The following LPAR5 variants were observed in gnomAD, a reference collection of about 807,000 sequenced individuals.
LPAR5 encodes lysophosphatidic acid receptor 5.
For synonymous variants in LPAR5, 271 were observed against 261.6 expected (o/e 1.04, Z -0.35); for missense variants, 544 against 521.8 (o/e 1.04, Z -0.41).
In LPAR5 at chr12:6,620,657, G is replaced by C. The variant is rs947982888; in HGVS notation, c.592C>G (p.Leu198Val). ...GCCGCCAGGGGCAGCAGGAAGCCCAGCGCCTCGGCCAGCAGCACGAGGGGC... is the reference window on the plus strand; with the variant it reads ...GCCGCCAGGGGCAGCAGGAAGCCCACCGCCTCGGCCAGCAGCACGAGGGGC... ...LLPLVLLAEA[L>V]GFLLPLAAVV... Residue 198 changes from leucine to valine, a missense_variant, in exon 2 of 2, where the codon CTG becomes GTG. Physicochemically the swap from Leu to Val is conservative, Grantham distance 32 (BLOSUM62 1). Transcript: ENST00000329858. This position sits in a 1 kb window ranked among gnomAD's most constrained non-coding sequence, Gnocchi z 6.8. 9.6e-6 allele frequency: 15 copies of C among 1,557,438 alleles called. No homozygotes were observed. The highest frequency in any genetic ancestry group is 1.3e-5 in the Non-Finnish European group (15 of 1,151,112).
rs761170301 is a variant in LPAR5, at chr12:6,621,132, G to A, written c.117C>T (p.Leu39=). Residue 39 remains leucine, a synonymous_variant, in exon 2 of 2, where the codon CTC becomes CTT. Transcript: ENST00000329858. ...GGAAGACCCAGAGGGCTAGCGCGTT[G>A]AGGGGGAGCCCGGCAGCCAGCACCA... The part of the protein sequence containing the change: ...YSLVLAAGLP[L]NALALWVFLR... The A allele has an allele frequency of 1.6e-5, 26 of 1,601,258 alleles. No homozygotes were observed.
chr12:6,625,720 C>CAAA (rs34076581), intron 1 of LPAR5, among the ~76,000 whole-genome samples: 2 of 138,578 alleles, frequency 1.4e-5, no homozygotes, highest in Non-Finnish European at 1.5e-5. Flanking sequence ...GACTCCGTCT[C>CAAA]AAAAAAAAAA....
chr12:6,633,799 G>A (rs1948995224), intron 1 of LPAR5, among the ~76,000 whole-genome samples: 1 of 152,182 alleles, frequency 6.6e-6, no homozygotes, highest in South Asian at 2.1e-4. Context: ...GGGCAGCAGA[G>A]TAGGGAGAGC....
In LPAR5 at chr12:6,624,816, C is replaced by T. The variant is rs549971373; in HGVS notation, c.-216-3352G>A. 2.0e-5 allele frequency among the ~76,000 whole-genome samples: 3 copies of T among 152,098 alleles called. No individual in the cohort carries two copies. The East Asian group carries it at 5.9e-4, about 30-fold the overall frequency. ...TGTATTTTTAGTAGAGACGAGGTTT[C>T]TCCCTGTTGGTCAGGCTGGTCTCGA... is the stretch of plus-strand genomic sequence containing the variant. On this transcript the variant is annotated intron_variant, in intron 1 of 1. Coordinates refer to ENST00000329858, the MANE Select transcript of LPAR5 (RefSeq NM_020400.6).
intron 1 of LPAR5, among the ~76,000 whole-genome samples, chr12:6,633,806 G>A (rs1301899209): frequency 6.6e-6 from 1 of 152,156 alleles, no homozygotes; most frequent in Non-Finnish European, 1.5e-5. Flanking sequence ...AGAGTAGGGA[G>A]AGCAGATGGC....
rs754703602 is a variant in LPAR5, at chr12:6,620,179, G to C, written c.1070C>G (p.Ser357Cys). The C allele has an allele frequency of 1.9e-6, 3 of 1,613,282 alleles. No homozygotes were observed. The East Asian group carries it at 6.7e-5, about 36-fold the overall frequency. Residue 357 changes from serine to cysteine, a missense_variant, in exon 2 of 2, where the codon TCC becomes TGC. By Grantham distance (112) the Ser-to-Cys change is moderately radical. Transcript: ENST00000329858. The surrounding 1 kb of genome is among the most constrained non-coding windows in gnomAD (Gnocchi z 6.8). ...CTGTGTGAAGGAAGACAGAGAGTGG[G>C]AGTCGGAGGGTCGGAGCAGCCCCTG... ...ASQGLLRPSD[S>C]HSLSSFTQCP...
chr12:6,624,156 A>G (rs1948915889), intron 1 of LPAR5, among the ~76,000 whole-genome samples: 1 of 152,204 alleles, frequency 6.6e-6, no homozygotes, highest in South Asian at 2.1e-4. Flanking sequence ...GGCTGATTGC[A>G]TGCTAGTCTT....
In LPAR5 at chr12:6,620,513, A is replaced by ACAGCAGGAAGATGACGAGGTTAGC. The variant is rs1374425201; in HGVS notation, c.712_735dup (p.Ala238_Leu245dup). The stretch of plus-strand genomic sequence containing the variant: ...AGCGTGCTGTTGTAGGGCACGAAGC[A>ACAGCAGGAAGATGACGAGGTTAGC]CAGCAGGAAGATGACGAGGTTAGCC... On this transcript the variant is annotated inframe_insertion, in exon 2 of 2. Coordinates refer to ENST00000329858, the MANE Select transcript of LPAR5 (RefSeq NM_020400.6). The surrounding 1 kb of genome is among the most constrained non-coding windows in gnomAD (Gnocchi z 6.8). 5.7e-6 allele frequency: 9 copies of ACAGCAGGAAGATGACGAGGTTAGC among 1,584,022 alleles called. No homozygotes were observed. Among genetic ancestry groups the ACAGCAGGAAGATGACGAGGTTAGC allele is most frequent in the African/African-American group, 2.7e-5 (2 of 74,340 alleles).
rs1948895525 is a variant in LPAR5, at chr12:6,621,441, C to G, written c.-193G>C. 1 of 472,202 alleles carries G rather than the reference C, an allele frequency of 2.1e-6. No homozygotes were observed. The highest frequency in any genetic ancestry group is 3.6e-5 in the East Asian group (1 of 28,138). 29.3% of individuals were successfully genotyped at this position (472,202 alleles called of 1,614,324 possible). ...CTGCCAAGGGTTGGGTGCGTTTGGT[C>G]ACAGCTTCATCAGCAGCAGAGACCT... On this transcript the variant is annotated 5_prime_UTR_variant, in exon 2 of 2. The change abolishes the stop of an existing upstream ORF in the 5' untranslated region. Coordinates refer to ENST00000329858, the MANE Select transcript of LPAR5 (RefSeq NM_020400.6).
chr12:6,624,247 T>C (rs1948916656), intron 1 of LPAR5, among the ~76,000 whole-genome samples: 1 of 152,116 alleles, frequency 6.6e-6, no homozygotes, highest in South Asian at 2.1e-4. Flanking sequence ...TTTTGCCAAG[T>C]GCTCCCCTAG....
intron 1 of LPAR5, among the ~76,000 whole-genome samples, chr12:6,623,169 CG>C (rs1565386357): frequency 2.0e-5 from 3 of 151,342 alleles, no homozygotes; most frequent in African/African-American, 7.3e-5. Context: ...ACCCAGGAGG[CG>C]GAGGTTGCAG....
At chr12:6,629,617 T>TG in intron 1 of LPAR5, among the ~76,000 whole-genome samples, 1 of 148,984 alleles carries the variant, frequency 6.7e-6, no homozygotes, top group Non-Finnish European at 1.5e-5. Context: ...GAGGTTGCAG[T>TG]GAGCCGAGAT....
intron 1 of LPAR5, among the ~76,000 whole-genome samples, chr12:6,628,554 G>C (rs138928450): frequency 6.6e-6 from 1 of 151,734 alleles, no homozygotes; most frequent in Admixed American, 6.6e-5. Context: ...TCCGCCTCCC[G>C]GGTTCAAGTG....
At position 6,619,998 on chromosome 12, in the gene LPAR5, C is replaced by A; in HGVS notation, c.*132G>T. The A allele has an allele frequency of 2.4e-6, 3 of 1,239,758 alleles. No individual in the cohort carries two copies. Among genetic ancestry groups the A allele is most frequent in the Non-Finnish European group, 3.5e-6 (3 of 864,198 alleles). 76.8% of individuals were successfully genotyped at this position (1,239,758 alleles called of 1,614,324 possible). ...CCTGGCTTCCACACTTTGTACTCTT[C>A]TGCGTTGCTAAGCTGGAATTGCCAC... On this transcript the variant is annotated 3_prime_UTR_variant, in exon 2 of 2. Transcript: ENST00000329858.
At chr12:6,623,616 A>G (rs1277475919) in intron 1 of LPAR5, among the ~76,000 whole-genome samples, 2 of 152,148 alleles carry the variant, frequency 1.3e-5, no homozygotes, top group East Asian at 3.9e-4. Flanking sequence ...TGCTGTTACT[A>G]TCTCAAGATC....
chr12:6,621,553 T>G lies in LPAR5; in HGVS notation c.-216-89A>C, dbSNP rs200022683. On this transcript the variant is annotated intron_variant, in intron 1 of 1. Transcript: ENST00000329858. ...CCACTGGCAGGCCTTCTGAATCTTT[T>G]CTCAGCCTCAAGTCTGCCATTGGGC... is the stretch of plus-strand genomic sequence containing the variant. 82 of 285,036 alleles carry G rather than the reference T, an allele frequency of 2.9e-4. 1 individual carries two copies. The East Asian group carries it at 5.2e-3, about 18-fold the overall frequency. 17.7% of individuals were successfully genotyped at this position (285,036 alleles called of 1,614,324 possible).
chr12:6,620,226 G>A lies in LPAR5; in HGVS notation c.1023C>T (p.Ala341=), dbSNP rs995524705. Residue 341 remains alanine, a synonymous_variant, in exon 2 of 2, where the codon GCC becomes GCT. Transcript: ENST00000329858. This position sits in a 1 kb window ranked among gnomAD's most constrained non-coding sequence, Gnocchi z 6.8. The part of the protein sequence containing the change: ...QSERSAVTTD[A]TRPDAASQGL... ...CCTGACTGGCGGCATCCGGCCTGGT[G>A]GCGTCGGTGGTGACGGCGGACCTTT... The A allele has an allele frequency of 1.2e-6, 2 of 1,612,034 alleles. No homozygotes were observed. Among genetic ancestry groups the A allele is most frequent in the Non-Finnish European group, 1.7e-6 (2 of 1,179,186 alleles).
At chr12:6,632,367 C>T (rs1290774705) in intron 1 of LPAR5, among the ~76,000 whole-genome samples, 1 of 152,208 alleles carries the variant, frequency 6.6e-6, no homozygotes, top group Non-Finnish European at 1.5e-5. Context: ...CCCCATCCTC[C>T]TTGCCCCTGA....
chr12:6,635,084 C>G (rs1000112868), intron 1 of LPAR5, among the ~76,000 whole-genome samples: 5 of 130,056 alleles, frequency 3.8e-5, no homozygotes, highest in African/African-American at 1.4e-4. Flanking sequence ...GAGACTCTGT[C>G]TCAAAAAAAA....
Sources: allele counts gnomAD v4.1 joint callset (sites outside exome capture counted in the v4.1 genomes callset), GRCh38; gene constraint gnomAD v4.1.1; non-coding constraint Gnocchi (gnomAD v3.1); transcripts MANE v1.5; gene names NCBI Gene and HGNC (gene_info 2026-07-23, HGNC 2026-07-21).